NAV3: variants seen among roughly 807,000 people sequenced by gnomAD.
NAV3 encodes pore membrane and/or filament interacting like protein 1.
Under a neutral mutation model 244.7 loss-of-function variants are expected in NAV3, and 87 were observed. That is an observed-to-expected ratio of 0.36 (90% confidence interval 0.30 to 0.42). The LOEUF (loss-of-function observed/expected upper bound fraction) is 0.42. Ranked by LOEUF, NAV3 falls within the 20% of genes least tolerant of loss-of-function variation. The probability of loss-of-function intolerance (pLI) is 1.00; values close to 1 mark genes in which losing one functional copy is unlikely to be tolerated. For missense variants in NAV3, 2,663 were observed against 2,893.3 expected, an observed-to-expected ratio of 0.92 and a Z score of 1.83; for synonymous variants, 1,126 against 1,042.2, an observed-to-expected ratio of 1.08 and a Z score of -1.55.
At chr12:77,887,982 T>C (rs948628457) in intron 1 of NAV3, among the ~76,000 whole-genome samples, 1 of 150,608 alleles carries the variant, frequency 6.6e-6, no homozygotes, top group Non-Finnish European at 1.5e-5. Context: ...AATGTTACAG[T>C]GGCAAACAAT....
chr12:77,701,208 T>G (rs1875544631), intron 2 of NAV3, among the ~76,000 whole-genome samples: 2 of 151,922 alleles, frequency 1.3e-5, no homozygotes, highest in Admixed American at 1.3e-4. Context: ...AATATTTGAG[T>G]ACAAATTTAT....
At chr12:78,117,860 A>G (rs1350959327) in intron 13 of NAV3, among the ~76,000 whole-genome samples, 167 bp from the exon 14 acceptor site, 1 of 152,142 alleles carries the variant, frequency 6.6e-6, no homozygotes. Flanking sequence ...ATTCTCTAAT[A>G]TCTGCAAGTG....
At chr12:78,111,226 G>A (rs1390347607) in intron 12 of NAV3, among the ~76,000 whole-genome samples, 1 of 151,992 alleles carries the variant, frequency 6.6e-6, no homozygotes, top group Non-Finnish European at 1.5e-5. Context: ...CTATATACGT[G>A]TAAAATTAAA....
chr12:77,844,522 A>AT (rs1207850685), intron 1 of NAV3, among the ~76,000 whole-genome samples: 1 of 152,136 alleles, frequency 6.6e-6, no homozygotes, highest in African/African-American at 2.4e-5. Context: ...TGTGCAATAA[A>AT]TTTTTTTGAG....
At chr12:78,146,953 T>G (rs536242680) in intron 21 of NAV3, among the ~76,000 whole-genome samples, 33 of 152,234 alleles carry the variant, frequency 2.2e-4, no homozygotes, top group African/African-American at 7.0e-4. Flanking sequence ...TATTTTAATT[T>G]CCCTTGGTAA....
chr12:78,063,401 G>A (rs532222091), intron 12 of NAV3, among the ~76,000 whole-genome samples: 1 of 152,102 alleles, frequency 6.6e-6, no homozygotes, highest in African/African-American at 2.4e-5. Flanking sequence ...CATTTTTGGG[G>A]ACTGCAGGAT....
At chr12:78,133,983 C>T (rs977452753) in intron 18 of NAV3, among the ~76,000 whole-genome samples, 1 of 152,158 alleles carries the variant, frequency 6.6e-6, no homozygotes, top group Admixed American at 6.5e-5. Flanking sequence ...ATTGTCATGC[C>T]TCCATGCATG....
chr12:77,707,509 C>G (rs1875883262), intron 2 of NAV3, among the ~76,000 whole-genome samples: 1 of 152,074 alleles, frequency 6.6e-6, no homozygotes, highest in African/African-American at 2.4e-5. Context: ...GTGAATAGTG[C>G]CACAATGAAT....
At chr12:78,163,353 A>G (rs1456186523) in intron 23 of NAV3, among the ~76,000 whole-genome samples, 1 of 152,128 alleles carries the variant, frequency 6.6e-6, no homozygotes, top group African/African-American at 2.4e-5. Context: ...CTGGTTTTAT[A>G]TACTTATAGC....
At chr12:78,067,873 G>A (rs1035061902) in intron 12 of NAV3, among the ~76,000 whole-genome samples, 1 of 151,982 alleles carries the variant, frequency 6.6e-6, no homozygotes, top group Admixed American at 6.6e-5. Flanking sequence ...TCTTATTGAT[G>A]TATAATTTTT....
At chr12:77,779,692 G>A (rs1023406461) in intron 2 of NAV3, among the ~76,000 whole-genome samples, 9 of 152,176 alleles carry the variant, frequency 5.9e-5, no homozygotes, top group African/African-American at 1.7e-4. Context: ...CCTTGGGCCA[G>A]CTTGGTTGTA....
At chr12:77,851,064 A>G (rs982063381) in intron 1 of NAV3, among the ~76,000 whole-genome samples, 24 of 152,206 alleles carry the variant, frequency 1.6e-4, no homozygotes, top group African/African-American at 5.8e-4. Context: ...ACTGTGTCTT[A>G]TCATTTTTCC....
chr12:78,121,400 T>C lies in NAV3; in HGVS notation c.3750-540T>C, dbSNP rs1012043624. 3.9e-5 allele frequency among the ~76,000 whole-genome samples: 6 copies of C among 152,300 alleles called. No individual in the cohort carries two copies. The East Asian group carries it at 1.2e-3, about 29-fold the overall frequency. On this transcript the variant is annotated intron_variant, in intron 15 of 39. Coordinates refer to ENST00000397909, the MANE Select transcript of NAV3 (RefSeq NM_001024383.2). Reference sequence around the variant, plus strand: ...GACTTGTTGCCGACAATGTCAATATTGTTTCCAACCAACTGCTCCCTGACA... The same window carrying C: ...GACTTGTTGCCGACAATGTCAATATCGTTTCCAACCAACTGCTCCCTGACA...
chr12:77,723,920 T>C (rs1876759618), intron 2 of NAV3, among the ~76,000 whole-genome samples: 1 of 151,862 alleles, frequency 6.6e-6, no homozygotes, highest in South Asian at 2.1e-4. Context: ...TTTAAAGTGA[T>C]GAATATGCGT....
intron 2 of NAV3, among the ~76,000 whole-genome samples, chr12:77,750,246 C>A (rs7307904): frequency 0.5 from 76,601 of 151,876 alleles, 20,126 homozygotes; most frequent in African/African-American, 0.66. Context: ...CCAGCTACTC[C>A]GGAGGCTGAT....
intron 1 of NAV3, among the ~76,000 whole-genome samples, chr12:77,878,595 T>A (rs989559984): frequency 6.6e-6 from 1 of 151,624 alleles, no homozygotes; most frequent in African/African-American, 2.4e-5. Flanking sequence ...AGATATGTAA[T>A]AATAGAAGAC....
At chr12:77,989,108 T>A (rs938896061) in intron 5 of NAV3, among the ~76,000 whole-genome samples, 8 of 152,166 alleles carry the variant, frequency 5.3e-5, no homozygotes, top group Admixed American at 1.3e-4. Context: ...CTGTCCTCCC[T>A]CTATTACTAG....
At chr12:77,761,517 C>T in intron 2 of NAV3, among the ~76,000 whole-genome samples, 1 of 152,036 alleles carries the variant, frequency 6.6e-6, no homozygotes, top group Non-Finnish European at 1.5e-5. Context: ...AAAATTTTCG[C>T]AATCTATCCA....
chr12:78,200,641 A>G (rs188783991), intron 38 of NAV3, 50 bp downstream of exon 38: 28,701 of 1,161,942 alleles, frequency 0.025, 555 homozygotes, highest in South Asian at 0.05. Context: ...AAAAAAGCAA[A>G]AAAAATTACT....
Sources: gnomAD v4.1 joint callset for allele counts (sites outside exome capture counted in the v4.1 genomes callset) on GRCh38, gnomAD v4.1.1 for gene constraint, MANE v1.5 for transcripts, NCBI Gene and HGNC (gene_info 2026-07-23, HGNC 2026-07-21) for gene names.